SUPT3H: variants seen among roughly 807,000 people sequenced by gnomAD.
SUPT3H encodes transcription initiation protein SPT3 homolog.
SUPT3H carries 44 observed loss-of-function variants against 44.3 expected under a neutral mutation model. That is an observed-to-expected ratio of 0.99 (90% CI 0.78 to 1.28). The LOEUF (loss-of-function observed/expected upper bound fraction) is 1.28. Ranked by LOEUF, SUPT3H falls within the 50% of genes most tolerant of loss-of-function variation. The pLI is 0.00. For synonymous variants in SUPT3H, 124 were observed against 125.6 expected, an observed-to-expected ratio of 0.99 and a Z score of 0.09; for missense variants, 380 against 387.1, an observed-to-expected ratio of 0.98 and a Z score of 0.15.
chr6:45,329,864 C>T (rs1330133348), intron 2 of SUPT3H, among the ~76,000 whole-genome samples: 2 of 151,788 alleles, frequency 1.3e-5, no homozygotes, highest in Non-Finnish European at 2.9e-5. Context: ...CAACATGTTC[C>T]AACTACAAGG....
At chr6:45,261,485 T>C (rs916097119) in intron 2 of SUPT3H, among the ~76,000 whole-genome samples, 3 of 150,640 alleles carry the variant, frequency 2.0e-5, no homozygotes, top group Non-Finnish European at 3.0e-5. Flanking sequence ...AAAAAACACA[T>C]GATCATCTCC....
intron 2 of SUPT3H, among the ~76,000 whole-genome samples, chr6:45,112,226 T>C (rs767521722): frequency 4.0e-5 from 6 of 151,656 alleles, no homozygotes; most frequent in African/African-American, 7.3e-5. Flanking sequence ...GAAAATCAAA[T>C]TGCACAGAGT....
At chr6:45,136,584 G>A (rs12209161) in intron 2 of SUPT3H, among the ~76,000 whole-genome samples, 34,332 of 151,160 alleles carry the variant, frequency 0.23, 4,559 homozygotes, top group Non-Finnish European at 0.31. Context: ...CCACTAAATG[G>A]AATATCAACA....
rs1489076667 is a variant in SUPT3H, at chr6:45,158,296, A to ATTTTTT, written c.102-52291_102-52290insAAAAAA. Among the ~76,000 whole-genome samples, 36 of 72,008 alleles carry ATTTTTT rather than the reference A, an allele frequency of 5.0e-4. 1 individual carries two copies. The highest frequency in any genetic ancestry group is 1.2e-3 in the South Asian group (3 of 2,498). 47.2% of individuals were successfully genotyped at this position (72,008 alleles called of 152,430 possible). On this transcript the variant is annotated intron_variant, in intron 2 of 10. Coordinates refer to ENST00000371459, the MANE Select transcript of SUPT3H (RefSeq NM_003599.4). ...TATACATATATATATATATATATAT[A>ATTTTTT]TATTTTTTTTTTTTTTTTTTTGAGA...
At chr6:45,243,197 CAAAAA>C (rs61643038) in intron 2 of SUPT3H, among the ~76,000 whole-genome samples, 60 of 72,546 alleles carry the variant, frequency 8.3e-4, no homozygotes, top group South Asian at 1.3e-3. Context: ...GACTCCTTCT[CAAAAA>C]AAAAAAAAAA....
At chr6:45,207,675 C>G (rs1763407404) in intron 2 of SUPT3H, among the ~76,000 whole-genome samples, 1 of 152,108 alleles carries the variant, frequency 6.6e-6, no homozygotes, top group Non-Finnish European at 1.5e-5. Context: ...AGTTTCGCAC[C>G]TGTTATAGTG....
At chr6:45,018,759 T>C (rs1188506960) in intron 4 of SUPT3H, among the ~76,000 whole-genome samples, 8 of 152,102 alleles carry the variant, frequency 5.3e-5, no homozygotes, top group Non-Finnish European at 1.0e-4. Context: ...CAGTATTTTA[T>C]TGAGGATTTT....
chr6:45,314,359 G>A (rs1227120794), intron 2 of SUPT3H, among the ~76,000 whole-genome samples: 4 of 152,074 alleles, frequency 2.6e-5, no homozygotes, highest in Non-Finnish European at 5.9e-5. Flanking sequence ...GACTGTTGCC[G>A]TTTGCTGACA....
chr6:45,034,852 G>A (rs187836266), intron 3 of SUPT3H, among the ~76,000 whole-genome samples: 106 of 152,224 alleles, frequency 7.0e-4, no homozygotes, highest in Non-Finnish European at 1.3e-3. Context: ...ACAGCTAAGT[G>A]ACAAAAATGG....
intron 10 of SUPT3H, among the ~76,000 whole-genome samples, chr6:44,831,418 C>T (rs1471770186): frequency 2.0e-5 from 3 of 152,158 alleles, no homozygotes; most frequent in Non-Finnish European, 2.9e-5. Context: ...GTGAATGCCT[C>T]AGAGAGCCAC....
chr6:45,307,798 G>T (rs1783301441), intron 2 of SUPT3H, among the ~76,000 whole-genome samples: 1 of 152,170 alleles, frequency 6.6e-6, no homozygotes, highest in Non-Finnish European at 1.5e-5. Flanking sequence ...AGAGAAGAAG[G>T]CTTCAGACGA....
At chr6:45,098,473 C>G in intron 3 of SUPT3H, 1 of 234,982 alleles carries the variant, frequency 4.3e-6, no homozygotes, top group South Asian at 7.3e-5. Flanking sequence ...CTCAGTCCAG[C>G]TTGGACCACA....
chr6:44,832,873 T>C lies in SUPT3H; in HGVS notation c.913-3016A>G, dbSNP rs138914760. Among the ~76,000 whole-genome samples, 10 of 152,244 alleles carry C rather than the reference T, an allele frequency of 6.6e-5. No homozygotes were observed. The East Asian group carries it at 1.9e-3, about 29-fold the overall frequency. ...ACTTTTTAAAGTGACTGTTTTTTAC[T>C]TCATATGGACAAGGTAGAGAAAACA... On this transcript the variant is annotated intron_variant, in intron 10 of 10. Coordinates refer to ENST00000371459, the MANE Select transcript of SUPT3H (RefSeq NM_003599.4).
rs540913544 is a variant in SUPT3H, at chr6:44,948,256, C to T, written c.801+5054G>A. ...AAATTAATTCAAGATGGATTAAAGACTTAAATATTAGACCTAAAACCATAA... is the reference window on the plus strand; with the variant it reads ...AAATTAATTCAAGATGGATTAAAGATTTAAATATTAGACCTAAAACCATAA... On this transcript the variant is annotated intron_variant, in intron 9 of 10. Transcript: ENST00000371459. Among the ~76,000 whole-genome samples the T allele has an allele frequency of 3.9e-5, 6 of 152,266 alleles. No homozygotes were observed. The East Asian group carries it at 1.2e-3, about 29-fold the overall frequency.
intron 10 of SUPT3H, among the ~76,000 whole-genome samples, chr6:44,902,662 G>C (rs1382714612): frequency 1.3e-5 from 2 of 152,130 alleles, no homozygotes; most frequent in Non-Finnish European, 2.9e-5. Flanking sequence ...ATTGAACTCA[G>C]CTCTGCACCA....
At chr6:44,848,089 C>T (rs1772216750) in intron 10 of SUPT3H, among the ~76,000 whole-genome samples, 1 of 150,936 alleles carries the variant, frequency 6.6e-6, no homozygotes, top group Non-Finnish European at 1.5e-5. Context: ...CCTCAGCCTC[C>T]TGAGTAGCTG....
In SUPT3H at chr6:44,905,660, C is replaced by G. The variant is rs972565957; in HGVS notation, c.912+26993G>C. Among the ~76,000 whole-genome samples, 8 of 152,020 alleles carry G rather than the reference C, an allele frequency of 5.3e-5. No individual in the cohort carries two copies. The East Asian group carries it at 1.2e-3, about 22-fold the overall frequency. On this transcript the variant is annotated intron_variant, in intron 10 of 10. Transcript: ENST00000371459. ...AGAAATACCATTTGACCCAGCCATC[C>G]CATTACTGGGTATATACCCAAAGGA...
intron 2 of SUPT3H, among the ~76,000 whole-genome samples, chr6:45,306,680 C>G (rs1247644553): frequency 6.6e-6 from 1 of 152,150 alleles, no homozygotes; most frequent in East Asian, 1.9e-4. Flanking sequence ...CGAATAGGAA[C>G]AGCTCCAGTC....
intron 10 of SUPT3H, among the ~76,000 whole-genome samples, chr6:44,881,799 A>G (rs917648527): frequency 2.0e-5 from 3 of 152,184 alleles, no homozygotes; most frequent in African/African-American, 7.2e-5. Flanking sequence ...GGTAAATAAT[A>G]AAATTAAGGC....
Sources: allele counts gnomAD v4.1 joint callset (sites outside exome capture counted in the v4.1 genomes callset), GRCh38; gene constraint gnomAD v4.1.1; transcripts MANE v1.5; gene names NCBI Gene and HGNC (gene_info 2026-07-23, HGNC 2026-07-21).